The following SCAMP1 variants were observed in gnomAD, a reference collection of about 807,000 sequenced individuals.
The protein encoded by SCAMP1 is secretory carrier-associated membrane protein 1.
In SCAMP1, 15 loss-of-function variants were observed where a neutral mutation model predicts 41.8. That is an observed-to-expected ratio of 0.36 (90% CI 0.24 to 0.55). SCAMP1 has a LOEUF of 0.55. Ranked by LOEUF, SCAMP1 falls within the 20% of genes least tolerant of loss-of-function variation. The pLI is 0.86. For missense variants in SCAMP1, 341 were observed against 412.6 expected, an observed-to-expected ratio of 0.83 and a Z score of 1.50; for synonymous variants, 135 against 136.8, an observed-to-expected ratio of 0.99 and a Z score of 0.09.
intron 1 of SCAMP1, among the ~76,000 whole-genome samples, chr5:78,362,430 T>C (rs1750679718): frequency 6.6e-6 from 1 of 152,244 alleles, no homozygotes; most frequent in Non-Finnish European, 1.5e-5. Flanking sequence ...ACATCTGATA[T>C]TGCCATGACA....
intron 6 of SCAMP1, among the ~76,000 whole-genome samples, chr5:78,424,479 C>CA (rs146317241): frequency 0.01 from 1,598 of 152,206 alleles, 35 homozygotes; most frequent in African/African-American, 0.036. Flanking sequence ...CCTGTAATCC[C>CA]AGCACTTTGG....
chr5:78,462,711 C>T (rs932624850), intron 8 of SCAMP1, among the ~76,000 whole-genome samples: 5 of 152,056 alleles, frequency 3.3e-5, no homozygotes, highest in African/African-American at 1.2e-4. Flanking sequence ...TACACTTCTT[C>T]CTGTAGAATT....
intron 1 of SCAMP1, among the ~76,000 whole-genome samples, chr5:78,368,434 A>G (rs979301884): frequency 2.0e-5 from 3 of 152,338 alleles, no homozygotes; most frequent in Non-Finnish European, 4.4e-5. Flanking sequence ...TTTTTGGACT[A>G]TGATTAATAT....
chr5:78,402,110 T>A (rs1751813628), intron 2 of SCAMP1, among the ~76,000 whole-genome samples: 1 of 152,154 alleles, frequency 6.6e-6, no homozygotes, highest in South Asian at 2.1e-4. Context: ...TCTTTTTTAA[T>A]CTTCACATAT....
chr5:78,427,527 A>G (rs1276310326), intron 6 of SCAMP1, among the ~76,000 whole-genome samples: 2 of 152,178 alleles, frequency 1.3e-5, no homozygotes. Flanking sequence ...ATATATTTTT[A>G]AGAGTTACCA....
intron 1 of SCAMP1, among the ~76,000 whole-genome samples, chr5:78,384,437 G>A (rs758039324): frequency 5.3e-5 from 8 of 152,020 alleles, no homozygotes; most frequent in Non-Finnish European, 1.0e-4. Flanking sequence ...CAATTTGGAT[G>A]CCCTTTGTTT....
intron 6 of SCAMP1, among the ~76,000 whole-genome samples, chr5:78,425,816 A>G (rs1217323974): frequency 2.0e-5 from 3 of 152,180 alleles, no homozygotes; most frequent in African/African-American, 7.2e-5. Flanking sequence ...TTTGGGATAC[A>G]TGCGCAGAAT....
chr5:78,410,375 A>G (rs1435471876), intron 2 of SCAMP1, among the ~76,000 whole-genome samples: 1 of 150,538 alleles, frequency 6.6e-6, no homozygotes, highest in East Asian at 2.0e-4. Flanking sequence ...TTCAGTTCCC[A>G]CTTATGAGTG....
chr5:78,365,601 G>C (rs1750776060), intron 1 of SCAMP1, among the ~76,000 whole-genome samples: 1 of 151,240 alleles, frequency 6.6e-6, no homozygotes, highest in Non-Finnish European at 1.5e-5. Flanking sequence ...ACTGATCATA[G>C]TCAAGGAATC....
At chr5:78,394,090 T>C (rs1361724393) in intron 2 of SCAMP1, among the ~76,000 whole-genome samples, 1 of 152,132 alleles carries the variant, frequency 6.6e-6, no homozygotes, top group Non-Finnish European at 1.5e-5. Flanking sequence ...TTCTGTCACA[T>C]AGAGCAGAGA....
intron 2 of SCAMP1, among the ~76,000 whole-genome samples, chr5:78,412,308 C>T (rs1001520698): frequency 2.6e-5 from 4 of 151,806 alleles, no homozygotes; most frequent in South Asian, 4.1e-4. Flanking sequence ...CTTTTCTTCA[C>T]GCCAAGAGCA....
intron 5 of SCAMP1, among the ~76,000 whole-genome samples, chr5:78,419,758 T>C (rs1254395862): frequency 6.6e-6 from 1 of 152,222 alleles, no homozygotes; most frequent in African/African-American, 2.4e-5. Flanking sequence ...CTTCCCTTAA[T>C]GGATGAGATA....
intron 1 of SCAMP1, among the ~76,000 whole-genome samples, chr5:78,376,214 A>C (rs1751061419): frequency 6.6e-6 from 1 of 152,176 alleles, no homozygotes; most frequent in South Asian, 2.1e-4. Context: ...TGAAAAATAG[A>C]ACTTACGTTG....
At chr5:78,363,521 C>T (rs1440466434) in intron 1 of SCAMP1, among the ~76,000 whole-genome samples, 2 of 152,190 alleles carry the variant, frequency 1.3e-5, no homozygotes, top group Admixed American at 6.5e-5. Context: ...TTTTTCAAAT[C>T]TGTTTTTATT....
intron 2 of SCAMP1, among the ~76,000 whole-genome samples, chr5:78,397,125 TA>T (rs1417908732): frequency 6.6e-6 from 1 of 152,184 alleles, no homozygotes; most frequent in Non-Finnish European, 1.5e-5. Flanking sequence ...GACAATATGG[TA>T]CTGGCATAGA....
At chr5:78,447,820 C>G (rs1478138003) in intron 6 of SCAMP1, among the ~76,000 whole-genome samples, 1 of 133,250 alleles carries the variant, frequency 7.5e-6, no homozygotes, top group Admixed American at 7.4e-5. Flanking sequence ...TCCCTCCTCC[C>G]CCTCTCCCTC....
intron 1 of SCAMP1, among the ~76,000 whole-genome samples, chr5:78,368,440 A>C (rs1750853294): frequency 6.6e-6 from 1 of 152,210 alleles, no homozygotes; most frequent in Non-Finnish European, 1.5e-5. Context: ...GACTATGATT[A>C]ATATTTAATA....
intron 6 of SCAMP1, among the ~76,000 whole-genome samples, chr5:78,428,793 T>C (rs1354325701): frequency 6.6e-6 from 1 of 152,136 alleles, no homozygotes; most frequent in Admixed American, 6.6e-5. Flanking sequence ...CTCTCAGCCA[T>C]GTTCTTCAGT....
At chr5:78,453,138 C>G (rs1276635622) in intron 7 of SCAMP1, among the ~76,000 whole-genome samples, 1 of 151,048 alleles carries the variant, frequency 6.6e-6, no homozygotes, top group Admixed American at 6.6e-5. Context: ...TGTAGGTTGC[C>G]TGTTCACTGT....
Sources: allele counts gnomAD v4.1 joint callset (sites outside exome capture counted in the v4.1 genomes callset), GRCh38; gene constraint gnomAD v4.1.1; transcripts MANE v1.5; gene names NCBI Gene and HGNC (gene_info 2026-07-23, HGNC 2026-07-21).